STEAP1: variants seen among roughly 807,000 people sequenced by gnomAD.
STEAP1 encodes the protein STEAP family member 1.
Under a neutral mutation model 34.4 loss-of-function variants are expected in STEAP1, and 30 were observed. The observed-to-expected ratio is 0.87, with a 90% CI of 0.65 to 1.18. The LOEUF is 1.18. STEAP1 is among the 50% of genes most tolerant of loss of function. The pLI, the probability that STEAP1 is intolerant of heterozygous loss-of-function variation, is 0.00. For missense variants in STEAP1, 318 were observed against 391.1 expected, an observed-to-expected ratio of 0.81 and a Z score of 1.58; for synonymous variants, 116 against 135.3, an observed-to-expected ratio of 0.86 and a Z score of 0.99.
At position 90,161,327 on chromosome 7, in the gene STEAP1, C is replaced by T; in HGVS notation, c.597+10C>T. 2.5e-6 allele frequency: 4 copies of T among 1,606,246 alleles called. No homozygotes were observed. The highest frequency in any genetic ancestry group is 3.4e-6 in the Non-Finnish European group (4 of 1,175,750). On this transcript the variant is annotated intron_variant, in intron 3 of 4. Transcript: ENST00000297205. Reference sequence around the variant, plus strand: ...CTGGGCATATCAACAGGTAAGATGACAGTGTTGACACTGTTACTAATAAAA... The same window carrying T: ...CTGGGCATATCAACAGGTAAGATGATAGTGTTGACACTGTTACTAATAAAA...
At chr7:90,160,113 G>A (rs1204679621) in intron 2 of STEAP1, among the ~76,000 whole-genome samples, 3 of 151,794 alleles carry the variant, frequency 2.0e-5, no homozygotes, top group Non-Finnish European at 4.4e-5. Flanking sequence ...GAAAATCTGG[G>A]GTCTTAGTTT....
At chr7:90,155,186 G>A (rs1794103809) in intron 1 of STEAP1, among the ~76,000 whole-genome samples, 1 of 151,596 alleles carries the variant, frequency 6.6e-6, no homozygotes, top group Non-Finnish European at 1.5e-5. Flanking sequence ...ACATCCTGAC[G>A]TGTAATAAAA....
chr7:90,163,026 C>T, intron 4 of STEAP1: 1 of 435,694 alleles, frequency 2.3e-6, no homozygotes, highest in South Asian at 1.7e-5. Context: ...CCTTGTCTGA[C>T]AAGATTCAAA....
Position 90,164,638 on chromosome 7 carries a change from A to G in STEAP1, c.924A>G (p.Leu308=). 3.1e-6 allele frequency: 5 copies of G among 1,613,788 alleles called. No individual in the cohort carries two copies. Among genetic ancestry groups the G allele is most frequent in the South Asian group, 1.1e-5 (1 of 91,046 alleles). ...PIVVLIFKSI[L]FLPCLRKKIL... is the part of the protein sequence containing the mutation. ...TTGTCCTGATATTTAAAAGCATACT[A>G]TTCCTGCCATGCTTGAGGAAGAAGA... The change falls in exon 5 of 5, where the codon CTA becomes CTG. Residue 308 remains leucine, a synonymous_variant. Coordinates refer to ENST00000297205, the MANE Select transcript of STEAP1 (RefSeq NM_012449.3).
At chr7:90,154,684 C>G (rs1794096768) in intron 1 of STEAP1, 141 bp downstream of exon 1, 1 of 152,420 alleles carries the variant, frequency 6.6e-6, no homozygotes, top group African/African-American at 2.4e-5. Context: ...AGCGGCCCTC[C>G]TGGGCGAGCG....
Position 90,161,330 on chromosome 7 carries a change from T to C in STEAP1, c.597+13T>C, listed in dbSNP as rs1157690727. 1.3e-6 allele frequency: 2 copies of C among 1,593,656 alleles called. No individual in the cohort carries two copies. Among genetic ancestry groups the C allele is most frequent in the South Asian group, 1.1e-5 (1 of 88,174 alleles). On this transcript the variant is annotated intron_variant, in intron 3 of 4. Transcript: ENST00000297205. ...GGCATATCAACAGGTAAGATGACAG[T>C]GTTGACACTGTTACTAATAAAAAGT...
chr7:90,159,631 A>G (rs2115961350), intron 1 of STEAP1, 127 bp from the exon 2 acceptor site: 1 of 419,702 alleles, frequency 2.4e-6, no homozygotes, highest in East Asian at 4.5e-5. Context: ...ATCAGTCACT[A>G]TTTCCATTTT....
intron 1 of STEAP1, among the ~76,000 whole-genome samples, chr7:90,156,624 ATC>A (rs1794122757): frequency 1.3e-5 from 2 of 152,216 alleles, no homozygotes; most frequent in African/African-American, 4.8e-5. Context: ...CATGCAAGGG[ATC>A]TAGGTTGTGT....
At position 90,160,930 on chromosome 7, in the gene STEAP1, G is replaced by C; in HGVS notation, c.210G>C (p.Gln70His). The C allele has an allele frequency of 1.2e-6, 2 of 1,614,016 alleles. No homozygotes were observed. Among genetic ancestry groups the C allele is most frequent in the South Asian group, 2.2e-5 (2 of 91,078 alleles). ...AGCACACACAGGAACTCTTTCCACA[G>C]TGGCACTTGCCAATTAAAATAGCTG... is the stretch of plus-strand genomic sequence containing the variant. Reference protein sequence around the residue: ...ELQHTQELFPQWHLPIKIAAI... With the variant: ...ELQHTQELFPHWHLPIKIAAI... The change falls in exon 3 of 5, where the codon CAG becomes CAC. Residue 70 changes from glutamine to histidine, a missense_variant. By Grantham distance (24) the Gln-to-His change is conservative (BLOSUM62 0). Coordinates refer to ENST00000297205, the MANE Select transcript of STEAP1 (RefSeq NM_012449.3).
chr7:90,160,201 TA>T (rs879437258), intron 2 of STEAP1, among the ~76,000 whole-genome samples: 2,746 of 140,852 alleles, frequency 0.019, 42 homozygotes, highest in African/African-American at 0.046. Context: ...AGTTCTAAGT[TA>T]AAAAAAAAAA....
intron 1 of STEAP1, among the ~76,000 whole-genome samples, chr7:90,158,618 G>T (rs1794145512): frequency 6.6e-6 from 1 of 152,108 alleles, no homozygotes; most frequent in African/African-American, 2.4e-5. Context: ...CATCTTCTAT[G>T]ATAACAATGC....
rs1426053845 is a variant in STEAP1, at chr7:90,160,987, T to A, written c.267T>A (p.Thr89=). 1 of 1,613,872 alleles carries A rather than the reference T, an allele frequency of 6.2e-7. No homozygotes were observed. Among genetic ancestry groups the A allele is most frequent in the Admixed American group, 1.7e-5 (1 of 60,006 alleles). The change falls in exon 3 of 5, where the codon ACT becomes ACA. Residue 89 remains threonine (T), a synonymous_variant. Coordinates refer to ENST00000297205, the MANE Select transcript of STEAP1 (RefSeq NM_012449.3). ...AIIASLTFLY[T]LLREVIHPLA... ...TAGCATCTCTGACTTTTCTTTACAC[T>A]CTTCTGAGGGAAGTAATTCACCCTT...
At chr7:90,159,225 A>G (rs1794151579) in intron 1 of STEAP1, among the ~76,000 whole-genome samples, 1 of 152,178 alleles carries the variant, frequency 6.6e-6, no homozygotes, top group South Asian at 2.1e-4. Context: ...CACTGGAAAC[A>G]TACTAGCAAT....
intron 4 of STEAP1, 25 bp downstream of exon 4, chr7:90,162,103 A>G: frequency 1.3e-6 from 2 of 1,565,780 alleles, no homozygotes; most frequent in Non-Finnish European, 1.7e-6. Context: ...AAATAACCCT[A>G]AGAGGTAAAT....
intron 1 of STEAP1, among the ~76,000 whole-genome samples, chr7:90,155,117 AT>A (rs1325552296): frequency 5.9e-5 from 9 of 152,174 alleles, no homozygotes. Context: ...GTAGACATAA[AT>A]TTTTTGTACA....
intron 3 of STEAP1, among the ~76,000 whole-genome samples, 195 bp downstream of exon 3, chr7:90,161,512 G>A (rs911578891): frequency 9.2e-5 from 14 of 152,104 alleles, no homozygotes; most frequent in African/African-American, 3.4e-4. Context: ...ATGTTTTTTA[G>A]GCTGAAAATA....
At chr7:90,164,439 T>C (rs754329900) in intron 4 of STEAP1, 38 bp from the exon 5 acceptor site, 10 of 1,567,454 alleles carry the variant, frequency 6.4e-6, no homozygotes, top group South Asian at 6.1e-5. Flanking sequence ...TAAACTCTTA[T>C]TGAACCAATC....
chr7:90,156,961 C>T (rs978956588), intron 1 of STEAP1, among the ~76,000 whole-genome samples: 8 of 152,126 alleles, frequency 5.3e-5, no homozygotes, highest in East Asian at 1.9e-4. Flanking sequence ...GCGAGAACAG[C>T]GTAATACAGT....
intron 3 of STEAP1, 73 bp from the exon 4 acceptor site, chr7:90,161,841 G>C: frequency 6.5e-7 from 1 of 1,550,098 alleles, no homozygotes; most frequent in Non-Finnish European, 8.7e-7. Context: ...ACAGGGAAGA[G>C]TGTAGAAGGA....
Sources: allele counts gnomAD v4.1 joint callset (sites outside exome capture counted in the v4.1 genomes callset), GRCh38; gene constraint gnomAD v4.1.1; transcripts MANE v1.5; gene names NCBI Gene and HGNC (gene_info 2026-07-23, HGNC 2026-07-21).